Variants in FGF10 observed in about 807,000 individuals in gnomAD.
The protein encoded by FGF10 is FGF-10.
A neutral mutation model predicts 19.8 loss-of-function variants in FGF10; 2 were observed. That is an observed-to-expected ratio of 0.10 (90% CI 0.04 to 0.32). The LOEUF (loss-of-function observed/expected upper bound fraction) is 0.32, where lower values mean the gene tolerates loss of function less well. FGF10 is among the 10% of genes least tolerant of loss of function. The probability of loss-of-function intolerance (pLI) is 1.00; values close to 1 mark genes in which losing one functional copy is unlikely to be tolerated. For missense variants in FGF10, 191 were observed against 246.3 expected (o/e 0.78, Z 1.50); for synonymous variants, 112 against 94.0 (o/e 1.19, Z -1.10).
chr5:44,354,584 A>C (rs1741306258), intron 1 of FGF10, among the ~76,000 whole-genome samples: 1 of 151,420 alleles, frequency 6.6e-6, no homozygotes, highest in Non-Finnish European at 1.5e-5. Context: ...GATGTAAGTA[A>C]ACTTTCTATC....
intron 1 of FGF10, among the ~76,000 whole-genome samples, chr5:44,383,350 C>G (rs1027876271): frequency 1.3e-5 from 2 of 152,104 alleles, no homozygotes; most frequent in Non-Finnish European, 2.9e-5. Flanking sequence ...ACTATGAAGA[C>G]AGTGGAGTTT....
Position 44,375,300 on chromosome 5 carries a change from C to T in FGF10, c.325+13058G>A, listed in dbSNP as rs565540720. Among the ~76,000 whole-genome samples, 6 of 152,132 alleles carry T rather than the reference C, an allele frequency of 3.9e-5. No individual in the cohort carries two copies. The East Asian group carries it at 9.7e-4, about 25-fold the overall frequency. On this transcript the variant is annotated intron_variant, in intron 1 of 2. Coordinates refer to ENST00000264664, the MANE Select transcript of FGF10 (RefSeq NM_004465.2). ...TCAAGTGTGGTATTGCATTATAATG[C>T]TAGGTATATGGTTTTTGGAAGCACA...
At chr5:44,345,230 GGAAAATAATGA>G (rs1386629557) in intron 1 of FGF10, among the ~76,000 whole-genome samples, 7 of 151,536 alleles carry the variant, frequency 4.6e-5, no homozygotes, top group Non-Finnish European at 1.0e-4. Context: ...ATATACTGCT[GGAAAATAATGA>G]ATATAGAATG....
intron 1 of FGF10, among the ~76,000 whole-genome samples, chr5:44,362,436 G>A (rs1482671): frequency 0.54 from 80,993 of 151,248 alleles, 23,758 homozygotes; most frequent in Non-Finnish European, 0.67. Flanking sequence ...TCACTGTAAT[G>A]TTACAATTTT....
At position 44,318,568 on chromosome 5, in the gene FGF10, A is replaced by G. The variant is rs894297116; in HGVS notation, c.326-8038T>C. ...GTGTCTTCTCGCGAGCATTGGAAGG[A>G]CAGAAAGTCTGCCAGTCTGTACAGA... On this transcript the variant is annotated intron_variant, in intron 1 of 2. Transcript: ENST00000264664. Among the ~76,000 whole-genome samples the G allele has an allele frequency of 3.9e-5, 6 of 152,166 alleles. 1 individual carries two copies. The highest frequency in any genetic ancestry group is 2.9e-5 in the Non-Finnish European group (2 of 68,014).
At chr5:44,339,095 G>A (rs1561206723) in intron 1 of FGF10, among the ~76,000 whole-genome samples, 1 of 152,100 alleles carries the variant, frequency 6.6e-6, no homozygotes, top group Non-Finnish European at 1.5e-5. Context: ...CAATGAATAT[G>A]ATTTAAAGAG....
chr5:44,350,584 C>A (rs951197692), intron 1 of FGF10, among the ~76,000 whole-genome samples: 1 of 150,824 alleles, frequency 6.6e-6, no homozygotes, highest in Non-Finnish European at 1.5e-5. Flanking sequence ...TACATACATA[C>A]AACACATAGG....
intron 1 of FGF10, among the ~76,000 whole-genome samples, chr5:44,375,357 G>A (rs1383352185): frequency 6.6e-6 from 1 of 152,124 alleles, no homozygotes; most frequent in East Asian, 1.9e-4. Context: ...AGGTTTCCCA[G>A]AGATGACATC....
At chr5:44,361,799 C>T (rs1741488321) in intron 1 of FGF10, among the ~76,000 whole-genome samples, 1 of 151,592 alleles carries the variant, frequency 6.6e-6, no homozygotes. Context: ...TTTGGTTTGC[C>T]TATTCAGCAG....
intron 1 of FGF10, among the ~76,000 whole-genome samples, chr5:44,338,703 G>A (rs746898507): frequency 2.0e-5 from 3 of 152,108 alleles, no homozygotes; most frequent in Non-Finnish European, 2.9e-5. Flanking sequence ...TACAATTTAA[G>A]TTTCTCTATA....
chr5:44,351,242 C>T (rs1483820596), intron 1 of FGF10, among the ~76,000 whole-genome samples: 2 of 151,442 alleles, frequency 1.3e-5, no homozygotes, highest in Admixed American at 1.3e-4. Flanking sequence ...AAACACATGA[C>T]AGTATGTGTC....
At chr5:44,312,224 T>G (rs1740229561) in intron 1 of FGF10, among the ~76,000 whole-genome samples, 1 of 151,286 alleles carries the variant, frequency 6.6e-6, no homozygotes, top group African/African-American at 2.4e-5. Flanking sequence ...ACACGCACAT[T>G]TATTTGCATA....
intron 1 of FGF10, among the ~76,000 whole-genome samples, chr5:44,369,854 A>T (rs1431232190): frequency 6.6e-6 from 1 of 152,172 alleles, no homozygotes; most frequent in African/African-American, 2.4e-5. Context: ...CAAACCTGGA[A>T]TATGTGTATG....
intron 1 of FGF10, among the ~76,000 whole-genome samples, chr5:44,336,886 A>G (rs1740866052): frequency 6.6e-6 from 1 of 152,170 alleles, no homozygotes; most frequent in Non-Finnish European, 1.5e-5. Flanking sequence ...AGGAAGTGAC[A>G]TGGAAGACAA....
chr5:44,353,501 G>A (rs1404822427), intron 1 of FGF10, among the ~76,000 whole-genome samples: 1 of 151,292 alleles, frequency 6.6e-6, no homozygotes, highest in Non-Finnish European at 1.5e-5. Context: ...TTTGTTTTGT[G>A]TTTGTATTTT....
chr5:44,369,826 G>C (rs1344069102), intron 1 of FGF10, among the ~76,000 whole-genome samples: 1 of 152,036 alleles, frequency 6.6e-6, no homozygotes, highest in Non-Finnish European at 1.5e-5. Flanking sequence ...CAGAATATGT[G>C]CAAAAATACA....
chr5:44,354,783 T>A (rs768908287), intron 1 of FGF10, among the ~76,000 whole-genome samples: 2 of 151,570 alleles, frequency 1.3e-5, no homozygotes. Context: ...CTGATTCAGC[T>A]GCTGCCTACC....
intron 1 of FGF10, among the ~76,000 whole-genome samples, chr5:44,372,433 C>T (rs77248707): frequency 1.3e-5 from 2 of 152,130 alleles, no homozygotes; most frequent in Admixed American, 6.5e-5. Context: ...ATCTCAAAAT[C>T]CTTAATTTAA....
At chr5:44,354,005 T>C (rs1190040082) in intron 1 of FGF10, among the ~76,000 whole-genome samples, 2 of 149,954 alleles carry the variant, frequency 1.3e-5, no homozygotes, top group African/African-American at 4.9e-5. Context: ...AGTAATAATA[T>C]AAAGATAGAG....
Sources: gnomAD v4.1 joint callset for allele counts (sites outside exome capture counted in the v4.1 genomes callset) on GRCh38, gnomAD v4.1.1 for gene constraint, MANE v1.5 for transcripts, NCBI Gene and HGNC (gene_info 2026-07-23, HGNC 2026-07-21) for gene names.